MACROD2: variants seen among roughly 807,000 people sequenced by gnomAD.
MACROD2 encodes mono-ADP ribosylhydrolase 2, also known as ADP-ribose glycohydrolase MACROD2.
Under a neutral mutation model 70.4 loss-of-function variants are expected in MACROD2, and 36 were observed. The ratio of observed to expected loss-of-function variants is 0.51; its 90% CI spans 0.39 to 0.68. MACROD2 has a LOEUF of 0.68. MACROD2 is among the 30% of genes least tolerant of loss of function. The pLI is 0.00. For missense variants in MACROD2, 496 were observed against 538.4 expected, an observed-to-expected ratio of 0.92 and a Z score of 0.78; for synonymous variants, 172 against 178.8, an observed-to-expected ratio of 0.96 and a Z score of 0.30.
At chr20:14,541,423 C>A (rs1458833401) in intron 4 of MACROD2, among the ~76,000 whole-genome samples, 5 of 152,068 alleles carry the variant, frequency 3.3e-5, no homozygotes, top group Non-Finnish European at 5.9e-5. Context: ...CTCATATAAA[C>A]CTCCCACCCA....
chr20:15,778,824 T>C (rs1241112777), intron 8 of MACROD2, among the ~76,000 whole-genome samples: 1 of 152,202 alleles, frequency 6.6e-6, no homozygotes, highest in African/African-American at 2.4e-5. Flanking sequence ...CCAGTCATAA[T>C]TGAAGGAACT....
chr20:15,929,738 G>A (rs1372462121), intron 10 of MACROD2, among the ~76,000 whole-genome samples: 1 of 152,154 alleles, frequency 6.6e-6, no homozygotes, highest in Non-Finnish European at 1.5e-5. Context: ...TTGAGATTTT[G>A]CCCTTACAAA....
chr20:15,410,552 G>C (rs1028785281), intron 6 of MACROD2, among the ~76,000 whole-genome samples: 5 of 152,080 alleles, frequency 3.3e-5, no homozygotes, highest in Admixed American at 2.6e-4. Flanking sequence ...GTTAGCCTCT[G>C]GTAGTGGCGA....
chr20:15,991,247 A>G (rs2066554725), intron 15 of MACROD2, among the ~76,000 whole-genome samples: 1 of 152,014 alleles, frequency 6.6e-6, no homozygotes, highest in Non-Finnish European at 1.5e-5. Context: ...TTTTTTTGCA[A>G]CTCCTCTGGC....
chr20:15,853,094 A>AT (rs1178456846), intron 8 of MACROD2, among the ~76,000 whole-genome samples: 1 of 152,208 alleles, frequency 6.6e-6, no homozygotes, highest in Non-Finnish European at 1.5e-5. Context: ...TCATCTGGCT[A>AT]TACCTCGTCT....
chr20:13,997,127 C>G (rs7509383), intron 1 of MACROD2, among the ~76,000 whole-genome samples: 1 of 151,620 alleles, frequency 6.6e-6, no homozygotes, highest in South Asian at 2.1e-4. Context: ...ATAATAGAAC[C>G]GAACAACACA....
chr20:14,184,058 A>G (rs2081325886), intron 3 of MACROD2, among the ~76,000 whole-genome samples: 1 of 151,850 alleles, frequency 6.6e-6, no homozygotes, highest in Admixed American at 6.6e-5. Flanking sequence ...TCATTTGTCA[A>G]TTTTTACTTT....
chr20:14,035,499 A>G (rs2053296342), intron 2 of MACROD2, among the ~76,000 whole-genome samples: 2 of 152,184 alleles, frequency 1.3e-5, no homozygotes, highest in African/African-American at 4.8e-5. Flanking sequence ...TTAATCTGTA[A>G]TGTAAAATTC....
intron 3 of MACROD2, among the ~76,000 whole-genome samples, chr20:14,427,936 A>G (rs2083951914): frequency 1.3e-5 from 2 of 152,160 alleles, no homozygotes; most frequent in South Asian, 2.1e-4. Context: ...TAAATGTTCT[A>G]TGATATTTGG....
At chr20:15,136,370 A>C (rs939104426) in intron 5 of MACROD2, among the ~76,000 whole-genome samples, 1 of 152,004 alleles carries the variant, frequency 6.6e-6, no homozygotes, top group South Asian at 2.1e-4. Flanking sequence ...AGACATATAG[A>C]TCAGTGGAAC....
intron 4 of MACROD2, among the ~76,000 whole-genome samples, chr20:14,550,298 T>C (rs1978568532): frequency 6.6e-6 from 1 of 152,124 alleles, no homozygotes; most frequent in African/African-American, 2.4e-5. Context: ...TCCCTGTCCC[T>C]TCCTTCCCTT....
At chr20:15,092,631 C>A (rs1337399882) in intron 5 of MACROD2, among the ~76,000 whole-genome samples, 1 of 151,624 alleles carries the variant, frequency 6.6e-6, no homozygotes, top group Non-Finnish European at 1.5e-5. Context: ...TGTACAAATC[C>A]AACTTCAAGT....
intron 3 of MACROD2, among the ~76,000 whole-genome samples, chr20:14,280,525 A>G (rs965545185): frequency 6.6e-6 from 1 of 152,178 alleles, no homozygotes; most frequent in African/African-American, 2.4e-5. Context: ...ATTAGCAGGT[A>G]TCTGACTAGG....
chr20:14,280,827 G>A (rs532824198), intron 3 of MACROD2, among the ~76,000 whole-genome samples: 102 of 152,250 alleles, frequency 6.7e-4, no homozygotes, highest in Non-Finnish European at 1.1e-3. Flanking sequence ...TATAACCCAG[G>A]AGATAAAGCT....
chr20:14,126,937 A>G (rs917319117), intron 3 of MACROD2, among the ~76,000 whole-genome samples: 6 of 152,188 alleles, frequency 3.9e-5, no homozygotes, highest in East Asian at 1.9e-4. Context: ...AATTAGGCCA[A>G]TTAATAACCC....
At chr20:14,564,139 C>T (rs1024040675) in intron 4 of MACROD2, among the ~76,000 whole-genome samples, 2 of 151,766 alleles carry the variant, frequency 1.3e-5, no homozygotes, top group African/African-American at 2.4e-5. Flanking sequence ...ATTGGAGAAC[C>T]GTATGCAGAA....
intron 5 of MACROD2, among the ~76,000 whole-genome samples, chr20:15,084,441 C>G (rs1287944537): frequency 6.6e-6 from 1 of 152,124 alleles, no homozygotes; most frequent in African/African-American, 2.4e-5. Context: ...GGAGCAGAGT[C>G]TTGGCTGACC....
intron 3 of MACROD2, among the ~76,000 whole-genome samples, chr20:14,290,089 G>A (rs2082373866): frequency 6.6e-6 from 1 of 152,130 alleles, no homozygotes; most frequent in Non-Finnish European, 1.5e-5. Flanking sequence ...AAAGGAAAGT[G>A]CATCTGTTTT....
intron 3 of MACROD2, among the ~76,000 whole-genome samples, chr20:14,476,176 G>A (rs1383690656): frequency 2.0e-5 from 3 of 152,024 alleles, no homozygotes; most frequent in African/African-American, 7.2e-5. Flanking sequence ...AGTAGCAATG[G>A]TAAGTTTATT....
Sources: gnomAD v4.1 joint callset for allele counts (sites outside exome capture counted in the v4.1 genomes callset) on GRCh38, gnomAD v4.1.1 for gene constraint, MANE v1.5 for transcripts, NCBI Gene and HGNC (gene_info 2026-07-23, HGNC 2026-07-21) for gene names.